LPIN1: variants seen among roughly 807,000 people sequenced by gnomAD.
The protein encoded by LPIN1 is lipin 1.
LPIN1 carries 71 observed loss-of-function variants against 107.5 expected under a neutral mutation model. That is an observed-to-expected ratio of 0.66 (90% CI 0.55 to 0.80). The LOEUF (loss-of-function observed/expected upper bound fraction) is 0.80, where lower values mean the gene tolerates loss of function less well. Among genes scored for constraint, LPIN1 ranks in the 30% least tolerant of loss-of-function variants. LPIN1 has a pLI of 0.00. For synonymous variants in LPIN1, 445 were observed against 452.6 expected (o/e 0.98, Z 0.21); for missense variants, 1,043 against 1,160.6 (o/e 0.90, Z 1.47).
In LPIN1 at chr2:11,824,637, T is replaced by TGA. The variant is rs974236327; in HGVS notation, c.2630_2631dup (p.Leu878AspfsTer5). 1.2e-6 allele frequency: 2 copies of TGA among 1,612,598 alleles called. No individual in the cohort carries two copies. Among genetic ancestry groups the TGA allele is most frequent in the African/African-American group, 2.7e-5 (2 of 74,830 alleles). On this transcript the variant is annotated frameshift_variant, in exon 21 of 21. Transcript: ENST00000674199. LOFTEE classifies it high-confidence loss of function. ...CAATGTCCCTTTCCTTCCAGGTATG[T>TGA]GAGACTCTGTGAAGTAGTCGACCAC...
intron 1 of LPIN1, among the ~76,000 whole-genome samples, chr2:11,684,348 T>TC (rs1375653605): frequency 2.6e-5 from 4 of 151,788 alleles, no homozygotes; most frequent in Admixed American, 2.0e-4. Flanking sequence ...TAATTTTTTT[T>TC]TAAAGTTTTT....
At chr2:11,751,784 GGAGCTTGCAGTGAGCC>G (rs1667831512) in intron 1 of LPIN1, among the ~76,000 whole-genome samples, 1 of 152,270 alleles carries the variant, frequency 6.6e-6, no homozygotes. Flanking sequence ...CCTGGGAGGC[GGAGCTTGCAGTGAGCC>G]GAGATTGCGC....
chr2:11,717,778 T>G (rs1663853835), intron 2 of LPIN1, among the ~76,000 whole-genome samples: 1 of 152,152 alleles, frequency 6.6e-6, no homozygotes, highest in South Asian at 2.1e-4. Context: ...CATTATGATT[T>G]CTGTTTGAGA....
intron 7 of LPIN1, among the ~76,000 whole-genome samples, chr2:11,781,431 T>C (rs1673556544): frequency 6.6e-6 from 1 of 152,258 alleles, no homozygotes; most frequent in Admixed American, 6.5e-5. Flanking sequence ...CAATTGAAGC[T>C]GTTTGATCAG....
chr2:11,765,613 C>T lies in LPIN1; in HGVS notation c.72C>T (p.Pro24=), dbSNP rs137942440. The T allele has an allele frequency of 5.9e-5, 96 of 1,614,132 alleles. No individual in the cohort carries two copies. In the East Asian group the frequency reaches 8.5e-4, roughly 14 times the overall value. Residue 24 remains proline, a synonymous_variant, in exon 2 of 21, where the codon CCC becomes CCT. Transcript: ENST00000674199. This position sits in a 1 kb window ranked among gnomAD's most constrained non-coding sequence, Gnocchi z 4.4. ...AGGAGCTCTACAAGGGGCTGAATCC[C>T]GCCACACTCTCAGGGTGCATTGACA... The part of the protein sequence containing the change: ...TVKELYKGLN[P]ATLSGCIDII...
intron 13 of LPIN1, among the ~76,000 whole-genome samples, chr2:11,793,818 C>A (rs1381409834): frequency 6.6e-6 from 1 of 152,148 alleles, no homozygotes; most frequent in Non-Finnish European, 1.5e-5. Flanking sequence ...TGAACCTCTC[C>A]TTTCTGTCTA....
Position 11,783,810 on chromosome 2 carries a change from G to C in LPIN1, c.1265-19G>C. 6.2e-7 allele frequency: 1 copy of C among 1,606,284 alleles called. No homozygotes were observed. The highest frequency in any genetic ancestry group is 8.5e-7 in the Non-Finnish European group (1 of 1,172,868). On this transcript the variant is annotated intron_variant, in intron 8 of 20. Transcript: ENST00000674199. ...TTCTAGAAGAGTGGTTTTCTGACTT[G>C]AGCCATTTGCCGTTTTAGATAAACG... is the stretch of plus-strand genomic sequence containing the variant.
intron 1 of LPIN1, among the ~76,000 whole-genome samples, chr2:11,730,961 T>C (rs536469840): frequency 2.6e-5 from 4 of 152,360 alleles, no homozygotes; most frequent in African/African-American, 9.6e-5. Flanking sequence ...AATTCTCTGC[T>C]GTGCTGATTA....
At chr2:11,797,604 A>T (rs1036108530) in intron 14 of LPIN1, among the ~76,000 whole-genome samples, 1 of 152,232 alleles carries the variant, frequency 6.6e-6, no homozygotes, top group Non-Finnish European at 1.5e-5. Flanking sequence ...TGGATTTCAC[A>T]CTTGCATGGG....
chr2:11,764,627 G>A (rs148763316), intron 1 of LPIN1, among the ~76,000 whole-genome samples: 128 of 152,366 alleles, frequency 8.4e-4, no homozygotes, highest in African/African-American at 3.0e-3. Flanking sequence ...GTTCCCTGGA[G>A]CAGTGGAGAG....
chr2:11,782,100 C>G (rs1673661481), intron 7 of LPIN1, 101 bp from the exon 8 acceptor site: 1 of 903,884 alleles, frequency 1.1e-6, no homozygotes, highest in East Asian at 2.5e-5. Flanking sequence ...AAAGTCCCTG[C>G]CTACTTTTGA....
At chr2:11,740,966 T>C in intron 1 of LPIN1, 1 of 162,746 alleles carries the variant, frequency 6.1e-6, no homozygotes, top group Non-Finnish European at 1.3e-5. Flanking sequence ...AATCATGACT[T>C]TTCTCAGGCA....
At chr2:11,724,947 TC>T (rs1257492507) in intron 1 of LPIN1, among the ~76,000 whole-genome samples, 1 of 152,134 alleles carries the variant, frequency 6.6e-6, no homozygotes, top group Non-Finnish European at 1.5e-5. Context: ...ACAATAATTT[TC>T]CCCCCAATAT....
At chr2:11,764,448 G>T (rs774616944) in intron 1 of LPIN1, among the ~76,000 whole-genome samples, 2 of 152,210 alleles carry the variant, frequency 1.3e-5, no homozygotes, top group Non-Finnish European at 2.9e-5. Context: ...TGCCCCGCTA[G>T]TTCCTTGTAT....
At position 11,699,400 on chromosome 2, in the gene LPIN1, C is replaced by T. The variant is rs573813563; in HGVS notation, c.82-14356C>T. 1.1e-4 allele frequency among the ~76,000 whole-genome samples: 16 copies of T among 152,242 alleles called. No individual in the cohort carries two copies. The South Asian group carries it at 2.1e-3, about 20-fold the overall frequency. On this transcript the variant is annotated intron_variant, in intron 1 of 21. Coordinates refer to the LPIN1 transcript ENST00000449576. ...GGTCGACCCACAGCTTAGACTTGAC[C>T]GGCGCCCTGATGTCAGCGGGTATGG...
In LPIN1 at chr2:11,803,168, G is replaced by A; in HGVS notation, c.2013+135G>A. 8.2e-7 allele frequency: 1 copy of A among 1,213,980 alleles called. No individual in the cohort carries two copies. Among genetic ancestry groups the A allele is most frequent in the Non-Finnish European group, 1.2e-6 (1 of 835,716 alleles). The allele number at this position is 1,213,980 out of a possible 1,614,324, so 75.2% of individuals were successfully genotyped here. A position where few individuals can be genotyped will look rare whatever the true frequency, so the allele number is the denominator to read the frequency against. On this transcript the variant is annotated intron_variant, in intron 15 of 20. Transcript: ENST00000674199. The surrounding 1 kb of genome is among the most constrained non-coding windows in gnomAD (Gnocchi z 4.2). ...CAGGGGGCCTGCAATCCCTCAACTG[G>A]GTACCCGCTGTTTCCACCCCAACTC...
At chr2:11,677,708 C>T in exon 1 of LPIN1, 2 of 1,535,740 alleles carry the variant, frequency 1.3e-6, no homozygotes, top group Non-Finnish European at 8.7e-7. Flanking sequence ...CAAGAGCTCC[C>T]CAGACTCGGC....
chr2:11,818,157 C>T (rs1465691914), intron 18 of LPIN1: 1 of 152,186 alleles, frequency 6.6e-6, no homozygotes, highest in East Asian at 1.9e-4. Flanking sequence ...CTAGGCCTGG[C>T]TTTCTGCTCG....
chr2:11,723,909 A>G (rs1015870478), upstream of LPIN1: 14 of 152,178 alleles, frequency 9.2e-5, no homozygotes, highest in African/African-American at 3.1e-4. Context: ...TGATTTAGGC[A>G]TCTTGATGCC....
Sources: allele counts gnomAD v4.1 joint callset (sites outside exome capture counted in the v4.1 genomes callset), GRCh38; gene constraint gnomAD v4.1.1; non-coding constraint Gnocchi (gnomAD v3.1); transcripts MANE v1.5; gene names NCBI Gene and HGNC (gene_info 2026-07-23, HGNC 2026-07-21).